Variants in GIGYF2 observed in about 807,000 individuals in gnomAD.
GIGYF2 encodes GRB10 interacting GYF protein 2, also known as GRB10-interacting GYF protein 2.
GIGYF2 carries 25 observed loss-of-function variants against 208.1 expected under a neutral mutation model. The ratio of observed to expected loss-of-function variants is 0.12; its 90% CI spans 0.09 to 0.17. The LOEUF is 0.17. Ranked by LOEUF, GIGYF2 falls within the 10% of genes least tolerant of loss-of-function variation. GIGYF2 has a pLI of 1.00. For synonymous variants in GIGYF2, 534 were observed against 543.8 expected (o/e 0.98, Z 0.25); for missense variants, 1,302 against 1,579.4 (o/e 0.82, Z 2.98).
In GIGYF2 at chr2:232,821,983, G is replaced by T. The variant is rs113979712; in HGVS notation, c.2529+1998G>T. Among the ~76,000 whole-genome samples the T allele has an allele frequency of 7.8e-5, 11 of 140,412 alleles. 1 individual carries two copies. The highest frequency in any genetic ancestry group is 2.9e-4 in the African/African-American group (11 of 37,790). 92.1% of individuals were successfully genotyped at this position (140,412 alleles called of 152,430 possible). On this transcript the variant is annotated intron_variant, in intron 21 of 28. Transcript: ENST00000373563. ...CTGGACTCTTCCCTTTTCTTCCATT[G>T]ATAAGTTTGCCTGTCCTTAAATGAG...
chr2:232,812,561 T>G (rs1700764691), intron 18 of GIGYF2, 70 bp downstream of exon 18: 1 of 724,440 alleles, frequency 1.4e-6, no homozygotes, highest in South Asian at 1.5e-5. Context: ...TACAATTCAG[T>G]TCTTAAAAAA....
At chr2:232,819,546 A>T (rs931101749) in intron 20 of GIGYF2, among the ~76,000 whole-genome samples, 1 of 152,198 alleles carries the variant, frequency 6.6e-6, no homozygotes, top group Non-Finnish European at 1.5e-5. Flanking sequence ...TTCTACGGTT[A>T]ATCAGTAAAT....
At chr2:232,734,649 T>A (rs1428532966) in intron 2 of GIGYF2, among the ~76,000 whole-genome samples, 2 of 152,014 alleles carry the variant, frequency 1.3e-5, no homozygotes, top group Non-Finnish European at 1.5e-5. Context: ...TAAAAAAAAA[T>A]CACTAGGGTG....
chr2:232,770,892 G>T, intron 8 of GIGYF2: 1 of 1,593,256 alleles, frequency 6.3e-7, no homozygotes, highest in Non-Finnish European at 8.6e-7. Flanking sequence ...TAAGAACAAA[G>T]ACAAAATTAC....
chr2:232,720,833 G>A (rs1198555808), intron 2 of GIGYF2, among the ~76,000 whole-genome samples: 1 of 151,952 alleles, frequency 6.6e-6, no homozygotes, highest in Non-Finnish European at 1.5e-5. Context: ...GGCCTCAATC[G>A]ATCTGCCCAC....
chr2:232,819,060 A>T (rs990536589), intron 20 of GIGYF2, among the ~76,000 whole-genome samples: 1 of 151,180 alleles, frequency 6.6e-6, no homozygotes, highest in African/African-American at 2.4e-5. Context: ...TCCTAGCTTC[A>T]CTTGAAAGGA....
intron 6 of GIGYF2, among the ~76,000 whole-genome samples, chr2:232,759,923 T>C (rs770059793): frequency 6.6e-6 from 1 of 152,186 alleles, no homozygotes; most frequent in Non-Finnish European, 1.5e-5. Context: ...ACTTCAAGAT[T>C]TGGGTGTAGA....
At chr2:232,747,197 A>G (rs1698179945) in intron 3 of GIGYF2, among the ~76,000 whole-genome samples, 1 of 152,218 alleles carries the variant, frequency 6.6e-6, no homozygotes, top group Admixed American at 6.5e-5. Context: ...TACCACAAAC[A>G]CTACTTGAAA....
intron 6 of GIGYF2, chr2:232,760,241 G>A (rs2106325389): frequency 2.3e-6 from 1 of 443,338 alleles, no homozygotes; most frequent in Non-Finnish European, 4.1e-6. Context: ...GTTCAGGACT[G>A]GGTCTATTGC....
chr2:232,740,376 G>T (rs1004984674), intron 3 of GIGYF2, among the ~76,000 whole-genome samples: 2 of 152,120 alleles, frequency 1.3e-5, no homozygotes, highest in African/African-American at 4.8e-5. Context: ...GACATTACCT[G>T]GCTTTCTGGG....
At chr2:232,808,926 C>CATATACAT (rs1355951368) in intron 15 of GIGYF2, among the ~76,000 whole-genome samples, 23 of 152,156 alleles carry the variant, frequency 1.5e-4, no homozygotes. Context: ...TATATACATA[C>CATATACAT]ATATACATAT....
Position 232,791,434 on chromosome 2 carries a change from A to C in GIGYF2, c.1270A>C (p.Ser424Arg), listed in dbSNP as rs759400935. 1 of 1,613,618 alleles carries C rather than the reference A, an allele frequency of 6.2e-7. No individual in the cohort carries two copies. The highest frequency in any genetic ancestry group is 1.1e-5 in the South Asian group (1 of 91,038). ...AAATAGTCTACCAGCCAAAGTGCCC[A>C]GCAGAGGGGATGGTATGTATTTGTG... is the stretch of plus-strand genomic sequence containing the variant. ...MENSLPAKVP[S>R]RGDEMVADVQ... Residue 424 changes from serine to arginine, a missense_variant, in exon 12 of 29, where the codon AGC becomes CGC. Around this residue, in one of 8 missense-constraint regions of GIGYF2, gnomAD observed 235 missense variants for 218.8 expected, o/e 1.07. Coordinates refer to ENST00000373563, the MANE Select transcript of GIGYF2 (RefSeq NM_001103146.3).
chr2:232,742,269 A>G (rs1208612184), intron 3 of GIGYF2, among the ~76,000 whole-genome samples: 1 of 152,208 alleles, frequency 6.6e-6, no homozygotes, highest in Non-Finnish European at 1.5e-5. Context: ...GGCTGGGCGC[A>G]GTGGCTCACC....
intron 2 of GIGYF2, among the ~76,000 whole-genome samples, chr2:232,724,359 A>C (rs1697096023): frequency 1.3e-5 from 2 of 151,766 alleles, no homozygotes; most frequent in South Asian, 4.2e-4. Context: ...TGCTGGCCTC[A>C]CATGTAAGAT....
Position 232,796,129 on chromosome 2 carries a change from T to G in GIGYF2, c.1547T>G (p.Leu516Arg). The G allele has an allele frequency of 6.2e-7, 1 of 1,603,856 alleles. No individual in the cohort carries two copies. Among genetic ancestry groups the G allele is most frequent in the Non-Finnish European group, 8.5e-7 (1 of 1,170,622 alleles). Residue 516 changes from leucine to arginine, a missense_variant, in exon 14 of 29, where the codon CTG (leucine) becomes CGG (arginine). Leu to Arg is a moderately radical substitution (Grantham distance 102). Around this residue, in one of 8 missense-constraint regions of GIGYF2, gnomAD observed 69 missense variants for 132.8 expected, o/e 0.52. Transcript: ENST00000373563. ...ALDDERLASK[L>R]QEHRAKGVSI... ...GATGATGAAAGATTGGCATCAAAACTGCAAGAGCACAGAGCTAAAGGAGTG... is the reference window on the plus strand; with the variant it reads ...GATGATGAAAGATTGGCATCAAAACGGCAAGAGCACAGAGCTAAAGGAGTG...
chr2:232,799,559 AATAAT>A (rs1700329359), intron 14 of GIGYF2, among the ~76,000 whole-genome samples: 1 of 25,358 alleles, frequency 3.9e-5, no homozygotes, highest in African/African-American at 1.3e-4. Context: ...TTAAAATAAT[AATAAT>A]AATAATAATA....
intron 1 of GIGYF2, among the ~76,000 whole-genome samples, chr2:232,702,740 C>G (rs1057311816): frequency 2.0e-5 from 3 of 152,164 alleles, no homozygotes; most frequent in Admixed American, 6.6e-5. Flanking sequence ...TTTCTGAGGG[C>G]TCAGTGATTA....
intron 21 of GIGYF2, among the ~76,000 whole-genome samples, chr2:232,826,071 A>G (rs1701237199): frequency 6.6e-6 from 1 of 152,090 alleles, no homozygotes; most frequent in Admixed American, 6.5e-5. Flanking sequence ...TCCATGGTGT[A>G]TATGTGCCAC....
chr2:232,736,507 A>G (rs1397372084), intron 3 of GIGYF2: 1 of 152,156 alleles, frequency 6.6e-6, no homozygotes, highest in African/African-American at 2.4e-5. Context: ...AATCAGAAAC[A>G]TCTTTTTTTA....
Sources: gnomAD v4.1 joint callset for allele counts (sites outside exome capture counted in the v4.1 genomes callset) on GRCh38, gnomAD v4.1.1 for gene constraint, gnomAD v4.1.1 regional missense constraint, MANE v1.5 for transcripts, NCBI Gene and HGNC (gene_info 2026-07-23, HGNC 2026-07-21) for gene names.